The following SLC15A5 variants were observed in gnomAD, a reference collection of about 807,000 sequenced individuals.
SLC15A5 encodes the protein Peptide/histidine transporter ENSP00000340402.
In SLC15A5, 58 loss-of-function variants were observed where a neutral mutation model predicts 56.1. That is an observed-to-expected ratio of 1.03 (90% CI 0.84 to 1.29). The LOEUF (loss-of-function observed/expected upper bound fraction) is 1.29, where lower values mean the gene tolerates loss of function less well. Among genes scored for constraint, SLC15A5 ranks in the 50% most tolerant of loss-of-function variants. The pLI, the probability that SLC15A5 is intolerant of heterozygous loss-of-function variation, is 0.00. For missense variants in SLC15A5, 681 were observed against 672.1 expected (o/e 1.01, Z -0.15); for synonymous variants, 264 against 250.5 (o/e 1.05, Z -0.51).
At chr12:16,194,882 T>G (rs1258750378) in intron 7 of SLC15A5, among the ~76,000 whole-genome samples, 1 of 152,106 alleles carries the variant, frequency 6.6e-6, no homozygotes, top group East Asian at 1.9e-4. Flanking sequence ...CTGTTTCATA[T>G]GCTAATTGTA....
intron 5 of SLC15A5, among the ~76,000 whole-genome samples, chr12:16,238,642 A>AT (rs998941665): frequency 4.6e-5 from 7 of 151,532 alleles, no homozygotes; most frequent in South Asian, 4.2e-4. Flanking sequence ...AAAAAAAAAA[A>AT]AAAAATAAGA....
intron 2 of SLC15A5, among the ~76,000 whole-genome samples, chr12:16,261,502 G>C (rs1389471434): frequency 6.6e-6 from 1 of 152,038 alleles, no homozygotes; most frequent in African/African-American, 2.4e-5. Context: ...GACTTTTTCA[G>C]CTTATTGCTA....
intron 8 of SLC15A5, among the ~76,000 whole-genome samples, chr12:16,193,901 G>A (rs1316995984): frequency 7.5e-6 from 1 of 134,134 alleles, no homozygotes; most frequent in African/African-American, 2.7e-5. Context: ...CCACTCTCAG[G>A]TGACAAGCTA....
chr12:16,199,489 A>G (rs1210022280), intron 7 of SLC15A5, among the ~76,000 whole-genome samples: 2 of 151,904 alleles, frequency 1.3e-5, no homozygotes. Flanking sequence ...ATTACTGTTT[A>G]TTTTTCTTTT....
chr12:16,193,683 C>T (rs555091989), intron 8 of SLC15A5, among the ~76,000 whole-genome samples: 1 of 151,842 alleles, frequency 6.6e-6, no homozygotes, highest in South Asian at 2.1e-4. Context: ...CCGTAAAACC[C>T]ACAAGAGGTT....
At chr12:16,225,255 G>A (rs1159946774) in intron 5 of SLC15A5, among the ~76,000 whole-genome samples, 7 of 152,182 alleles carry the variant, frequency 4.6e-5, no homozygotes, top group Admixed American at 4.6e-4. Flanking sequence ...TAATGGGATG[G>A]TTGGGTCAAA....
In SLC15A5 at chr12:16,271,778, A is replaced by G. The variant is rs1020195436; in HGVS notation, c.584+783T>C. Among the ~76,000 whole-genome samples, 1 of 152,176 alleles carries G rather than the reference A, an allele frequency of 6.6e-6. No individual in the cohort carries two copies. Among genetic ancestry groups the G allele is most frequent in the Non-Finnish European group, 1.5e-5 (1 of 68,042 alleles). On this transcript the variant is annotated intron_variant, in intron 2 of 8. Coordinates refer to ENST00000344941, the MANE Select transcript of SLC15A5 (RefSeq NM_001170798.1). The surrounding 1 kb of genome is among the most constrained non-coding windows in gnomAD (Gnocchi z 8.0). ...AACTACCCTCCCTTAAGATCCATAT[A>G]TTAATTTGTTTTCTTGAATTTGTAT...
chr12:16,271,243 A>G lies in SLC15A5; in HGVS notation c.584+1318T>C, dbSNP rs1290179452. 6.6e-6 allele frequency among the ~76,000 whole-genome samples: 1 copy of G among 152,150 alleles called. No homozygotes were observed. Among genetic ancestry groups the G allele is most frequent in the Non-Finnish European group, 1.5e-5 (1 of 68,028 alleles). The stretch of plus-strand genomic sequence containing the variant: ...ATCAACACTGAGAAATGTCACTTTG[A>G]TTAAACACAACTCTGAATGACTAAG... On this transcript the variant is annotated intron_variant, in intron 2 of 8. Coordinates refer to ENST00000344941, the MANE Select transcript of SLC15A5 (RefSeq NM_001170798.1). This position sits in a 1 kb window ranked among gnomAD's most constrained non-coding sequence, Gnocchi z 8.0.
In SLC15A5 at chr12:16,267,955, C is replaced by T. The variant is rs1479450237; in HGVS notation, c.584+4606G>A. Among the ~76,000 whole-genome samples the T allele has an allele frequency of 6.2e-5, 7 of 112,436 alleles. 3 individuals carry two copies. Among genetic ancestry groups the T allele is most frequent in the East Asian group, 2.8e-4 (1 of 3,618 alleles). 73.8% of individuals were successfully genotyped at this position (112,436 alleles called of 152,430 possible). On this transcript the variant is annotated intron_variant, in intron 2 of 8. Transcript: ENST00000344941. Reference sequence around the variant, plus strand: ...GAGATGGGGTTACTCAGGCTTGTCTCGAACCCCTGGCCTTGAGTGATCCTC... The same window carrying T: ...GAGATGGGGTTACTCAGGCTTGTCTTGAACCCCTGGCCTTGAGTGATCCTC...
At chr12:16,226,528 A>G (rs1490267440) in intron 5 of SLC15A5, among the ~76,000 whole-genome samples, 1 of 152,168 alleles carries the variant, frequency 6.6e-6, no homozygotes, top group Non-Finnish European at 1.5e-5. Context: ...ATTATTTTAA[A>G]CATGTTTTTG....
intron 3 of SLC15A5, among the ~76,000 whole-genome samples, chr12:16,254,538 T>G (rs1367976974): frequency 1.3e-5 from 2 of 152,196 alleles, no homozygotes. Context: ...TTCCTTTTTA[T>G]GGCTGAATAG....
chr12:16,215,219 A>C lies in SLC15A5; in HGVS notation c.1483+1674T>G, dbSNP rs942770583. On this transcript the variant is annotated intron_variant, in intron 7 of 8. Transcript: ENST00000344941. The stretch of plus-strand genomic sequence containing the variant: ...CTCTTTCTCAAAAAAAAAAAAAAAA[A>C]AAAAAAAAAACCAAAGTGAGGATAG... Among the ~76,000 whole-genome samples the C allele has an allele frequency of 8.3e-4, 121 of 145,418 alleles. 4 individuals carry two copies. The highest frequency in any genetic ancestry group is 1.5e-3 in the Admixed American group (21 of 14,252).
intron 2 of SLC15A5, among the ~76,000 whole-genome samples, chr12:16,266,353 T>G (rs1222889272): frequency 6.6e-6 from 1 of 152,208 alleles, no homozygotes; most frequent in African/African-American, 2.4e-5. Flanking sequence ...GACTCTTCAG[T>G]ATACCACATG....
At chr12:16,209,232 G>A (rs901230310) in intron 7 of SLC15A5, among the ~76,000 whole-genome samples, 3 of 150,510 alleles carry the variant, frequency 2.0e-5, no homozygotes, top group African/African-American at 7.4e-5. Flanking sequence ...CTTATCTTCA[G>A]TGAATATACA....
At chr12:16,254,058 A>T (rs781150088) in intron 3 of SLC15A5, among the ~76,000 whole-genome samples, 14 of 152,122 alleles carry the variant, frequency 9.2e-5, no homozygotes, top group Non-Finnish European at 1.8e-4. Context: ...AGACAAGTGA[A>T]TAAAGAAAAT....
chr12:16,204,548 G>C (rs979748341), intron 7 of SLC15A5, among the ~76,000 whole-genome samples: 1 of 151,630 alleles, frequency 6.6e-6, no homozygotes, highest in East Asian at 1.9e-4. Flanking sequence ...ATAAGTATGA[G>C]TAATAACTGA....
Position 16,272,551 on chromosome 12 carries a change from T to G in SLC15A5, c.584+10A>C, listed in dbSNP as rs1325606403. ...TAAGCCTCTTTTCTCTCCTAGCCAG[T>G]GCTACTTACCAGTTAAAAAAAGACA... On this transcript the variant is annotated intron_variant, in intron 2 of 8. Coordinates refer to ENST00000344941, the MANE Select transcript of SLC15A5 (RefSeq NM_001170798.1). The G allele has an allele frequency of 6.5e-6, 10 of 1,536,076 alleles. No homozygotes were observed. The highest frequency in any genetic ancestry group is 8.7e-6 in the Non-Finnish European group (10 of 1,146,090).
chr12:16,244,644 G>A lies in SLC15A5; in HGVS notation c.911C>T (p.Thr304Ile). The change falls in exon 4 of 9, where the codon ACA becomes ATA. Residue 304 changes from threonine to isoleucine, a missense_variant. By Grantham distance (89) the Thr-to-Ile change is moderately conservative. Coordinates refer to ENST00000344941, the MANE Select transcript of SLC15A5 (RefSeq NM_001170798.1). The stretch of plus-strand genomic sequence containing the variant: ...GAGAGGGAGAAGGGTGAGGAAAAAT[G>A]TTGTGTCTTCTACATGGAGCTCACT... Reference protein sequence around the residue: ...CYSELHVEDTTFFLTLLPLFI... With the variant: ...CYSELHVEDTIFFLTLLPLFI... The A allele has an allele frequency of 1.3e-6, 2 of 1,537,638 alleles. No homozygotes were observed. The highest frequency in any genetic ancestry group is 1.2e-5 in the South Asian group (1 of 84,054).
Position 16,269,235 on chromosome 12 carries a change from A to T in SLC15A5, c.584+3326T>A, listed in dbSNP as rs1031983292. Among the ~76,000 whole-genome samples, 7 of 152,162 alleles carry T rather than the reference A, an allele frequency of 4.6e-5. No homozygotes were observed. Among genetic ancestry groups the T allele is most frequent in the African/African-American group, 1.7e-4 (7 of 41,432 alleles). On this transcript the variant is annotated intron_variant, in intron 2 of 8. Coordinates refer to ENST00000344941, the MANE Select transcript of SLC15A5 (RefSeq NM_001170798.1). This position sits in a 1 kb window ranked among gnomAD's most constrained non-coding sequence, Gnocchi z 4.7. ...GCATTTCCCACCTGTCCTCCCAGAAAATTCTGATCCAGGAGGTTCGAGGTG... is the reference window on the plus strand; with the variant it reads ...GCATTTCCCACCTGTCCTCCCAGAATATTCTGATCCAGGAGGTTCGAGGTG...
Sources: gnomAD v4.1 joint callset for allele counts (sites outside exome capture counted in the v4.1 genomes callset) on GRCh38, gnomAD v4.1.1 for gene constraint, Gnocchi (gnomAD v3.1) non-coding constraint, MANE v1.5 for transcripts, NCBI Gene and HGNC (gene_info 2026-07-23, HGNC 2026-07-21) for gene names.